PARD3: variants seen among roughly 807,000 people sequenced by gnomAD.
The protein encoded by PARD3 is partitioning defective 3 homolog.
A neutral mutation model predicts 155.4 loss-of-function variants in PARD3; 75 were observed. That is an observed-to-expected ratio of 0.48 (90% CI 0.40 to 0.58). The LOEUF (loss-of-function observed/expected upper bound fraction) is 0.58, where lower values mean the gene tolerates loss of function less well. PARD3 is among the 20% of genes least tolerant of loss of function. The pLI is 0.00. For missense variants in PARD3, 1,642 were observed against 1,721.7 expected (o/e 0.95, Z 0.82); for synonymous variants, 576 against 610.5 (o/e 0.94, Z 0.83).
chr10:34,438,170 T>C (rs2076282731), intron 5 of PARD3, among the ~76,000 whole-genome samples: 1 of 152,180 alleles, frequency 6.6e-6, no homozygotes, highest in South Asian at 2.1e-4. Flanking sequence ...ACTGAATCCA[T>C]GTTCAACTAC....
chr10:34,446,684 T>A (rs1301468956), intron 5 of PARD3, among the ~76,000 whole-genome samples: 1 of 152,246 alleles, frequency 6.6e-6, no homozygotes, highest in Non-Finnish European at 1.5e-5. Flanking sequence ...CCATGGCTGT[T>A]TTATTATTTA....
At chr10:34,276,536 AT>A (rs1323713441) in intron 21 of PARD3, among the ~76,000 whole-genome samples, 1 of 152,172 alleles carries the variant, frequency 6.6e-6, no homozygotes, top group African/African-American at 2.4e-5. Flanking sequence ...ATTCATTAGT[AT>A]TTTTGCTTTT....
At chr10:34,363,579 G>A (rs932135180) in intron 12 of PARD3, among the ~76,000 whole-genome samples, 31 of 152,138 alleles carry the variant, frequency 2.0e-4, no homozygotes, top group African/African-American at 7.5e-4. Context: ...TACTGAGAAT[G>A]TTCATAAAGT....
intron 8 of PARD3, among the ~76,000 whole-genome samples, chr10:34,383,602 G>C (rs1842068632): frequency 6.6e-6 from 1 of 152,104 alleles, no homozygotes; most frequent in Non-Finnish European, 1.5e-5. Flanking sequence ...GTTCTTAAGA[G>C]TTCTGTTTGC....
chr10:34,657,909 G>A (rs1399751023), intron 2 of PARD3, among the ~76,000 whole-genome samples: 1 of 151,996 alleles, frequency 6.6e-6, no homozygotes, highest in Non-Finnish European at 1.5e-5. Flanking sequence ...CACTTTGGGA[G>A]GCCGAGGTGG....
intron 21 of PARD3, among the ~76,000 whole-genome samples, chr10:34,277,097 T>C (rs1009471658): frequency 3.9e-5 from 6 of 152,168 alleles, no homozygotes; most frequent in South Asian, 4.1e-4. Context: ...AGAAGCCTCA[T>C]TCTGGGAACA....
intron 5 of PARD3, among the ~76,000 whole-genome samples, chr10:34,430,646 A>C (rs1320313446): frequency 1.3e-5 from 2 of 152,242 alleles, no homozygotes; most frequent in Non-Finnish European, 2.9e-5. Flanking sequence ...GGAAACAATC[A>C]ATATTGCCAA....
At chr10:34,756,866 T>C (rs1313696878) in intron 1 of PARD3, among the ~76,000 whole-genome samples, 1 of 152,228 alleles carries the variant, frequency 6.6e-6, no homozygotes, top group Non-Finnish European at 1.5e-5. Context: ...GGAACACTGC[T>C]AACAGATTTT....
At position 34,227,926 on chromosome 10, in the gene PARD3, G is replaced by A. The variant is rs1293735062; in HGVS notation, c.3419+41731C>T. On this transcript the variant is annotated intron_variant, in intron 22 of 24. Coordinates refer to ENST00000374788, the MANE Select transcript of PARD3 (RefSeq NM_001184785.2). ...ATATATAAAATTTATATACCCAAAG[G>A]AATATAAATCATTCTACCATAAAGA... 7.8e-5 allele frequency among the ~76,000 whole-genome samples: 10 copies of A among 128,640 alleles called. No individual in the cohort carries two copies. The South Asian group carries it at 9.4e-4, about 12-fold the overall frequency. The allele number at this position is 128,640 out of a possible 152,430, so 84.4% of individuals were successfully genotyped here.
At chr10:34,190,225 G>C (rs1950647593) in intron 22 of PARD3, among the ~76,000 whole-genome samples, 1 of 152,188 alleles carries the variant, frequency 6.6e-6, no homozygotes, top group Non-Finnish European at 1.5e-5. Context: ...CAATTAGATT[G>C]TATTGTCTTC....
At chr10:34,688,655 G>T (rs2093993895) in intron 2 of PARD3, among the ~76,000 whole-genome samples, 1 of 152,030 alleles carries the variant, frequency 6.6e-6, no homozygotes, top group South Asian at 2.1e-4. Flanking sequence ...AAGGGGCCAG[G>T]GTAATATAAT....
intron 3 of PARD3, among the ~76,000 whole-genome samples, chr10:34,500,249 T>G (rs1444020607): frequency 6.6e-6 from 1 of 152,164 alleles, no homozygotes; most frequent in Middle Eastern, 3.2e-3. Flanking sequence ...CACATAAAAC[T>G]AGAAAAGGGT....
At chr10:34,602,591 G>A (rs939660985) in intron 2 of PARD3, among the ~76,000 whole-genome samples, 15 of 152,276 alleles carry the variant, frequency 9.9e-5, no homozygotes, top group Middle Eastern at 3.4e-3. Context: ...ACAAAATACT[G>A]CACAAGATGG....
chr10:34,679,086 C>T (rs2093763740), intron 2 of PARD3, among the ~76,000 whole-genome samples: 1 of 152,088 alleles, frequency 6.6e-6, no homozygotes, highest in African/African-American at 2.4e-5. Context: ...ATAAACAGTC[C>T]ACCCAAAATG....
intron 3 of PARD3, among the ~76,000 whole-genome samples, chr10:34,493,710 C>A (rs538505262): frequency 6.8e-6 from 1 of 147,966 alleles, no homozygotes; most frequent in African/African-American, 2.5e-5. Context: ...CTAACCTGGG[C>A]GACAAAAGCG....
chr10:34,702,962 C>T (rs780475732), intron 1 of PARD3, among the ~76,000 whole-genome samples: 3 of 152,142 alleles, frequency 2.0e-5, no homozygotes, highest in African/African-American at 7.2e-5. Flanking sequence ...AAATCCATCA[C>T]TGGTATCCTG....
intron 2 of PARD3, among the ~76,000 whole-genome samples, chr10:34,665,169 C>T (rs1207604456): frequency 2.0e-5 from 3 of 152,026 alleles, no homozygotes; most frequent in Non-Finnish European, 4.4e-5. Flanking sequence ...ATTTCCAGAA[C>T]GTGTTTATTA....
At position 34,805,574 on chromosome 10, in the gene PARD3, A is replaced by G. The variant is rs577071884; in HGVS notation, c.120+9302T>C. ...ATATATATATATATATATACACCGT[A>G]CAGTTCGTATCATGCAATATCATAC... is the stretch of plus-strand genomic sequence containing the variant. On this transcript the variant is annotated intron_variant, in intron 1 of 24. Coordinates refer to ENST00000374788, the MANE Select transcript of PARD3 (RefSeq NM_001184785.2). Among the ~76,000 whole-genome samples, 92 of 119,498 alleles carry G rather than the reference A, an allele frequency of 7.7e-4. 1 individual carries two copies. The Middle Eastern group carries it at 0.013, about 17-fold the overall frequency. 78.4% of individuals were successfully genotyped at this position (119,498 alleles called of 152,430 possible). A position where few individuals can be genotyped will look rare whatever the true frequency, so the allele number is the denominator to read the frequency against.
chr10:34,509,877 C>T (rs992122778), intron 3 of PARD3, among the ~76,000 whole-genome samples: 10 of 152,164 alleles, frequency 6.6e-5, no homozygotes, highest in African/African-American at 2.2e-4. Context: ...GATGACAAAG[C>T]ACAGTTTAAT....
Sources: allele counts gnomAD v4.1 joint callset (sites outside exome capture counted in the v4.1 genomes callset), GRCh38; gene constraint gnomAD v4.1.1; transcripts MANE v1.5; gene names NCBI Gene and HGNC (gene_info 2026-07-23, HGNC 2026-07-21).